Variants in UBTD1 observed in about 807,000 individuals in gnomAD.
UBTD1 encodes ubiquitin domain-containing protein 1.
UBTD1 carries 19 observed loss-of-function variants against 21.7 expected under a neutral mutation model. The observed-to-expected ratio is 0.87, with a 90% confidence interval of 0.61 to 1.28. The LOEUF is 1.28. Among genes scored for constraint, UBTD1 ranks in the 50% most tolerant of loss-of-function variants. The pLI, the probability that UBTD1 is intolerant of heterozygous loss-of-function variation, is 0.00. For missense variants in UBTD1, 282 were observed against 315.1 expected, an observed-to-expected ratio of 0.89 and a Z score of 0.80; for synonymous variants, 116 against 135.1, an observed-to-expected ratio of 0.86 and a Z score of 0.98.
chr10:97,519,806 A>G (rs2040459491), intron 1 of UBTD1, among the ~76,000 whole-genome samples: 1 of 152,246 alleles, frequency 6.6e-6, no homozygotes, highest in South Asian at 2.1e-4. Flanking sequence ...AAAAGGGGGT[A>G]TGTGCTTTAA....
intron 1 of UBTD1, among the ~76,000 whole-genome samples, chr10:97,561,640 T>C (rs999013008): frequency 6.6e-6 from 1 of 152,200 alleles, no homozygotes; most frequent in African/African-American, 2.4e-5. Flanking sequence ...TTCTAAGTTA[T>C]GAGTTGATTT....
At chr10:97,521,148 A>G (rs1289435912) in intron 1 of UBTD1, among the ~76,000 whole-genome samples, 3 of 152,052 alleles carry the variant, frequency 2.0e-5, no homozygotes, top group African/African-American at 7.2e-5. Flanking sequence ...CTTGTTATTT[A>G]ATCTGTAGTG....
At chr10:97,529,009 G>T (rs971317109) in intron 1 of UBTD1, among the ~76,000 whole-genome samples, 32 of 151,866 alleles carry the variant, frequency 2.1e-4, no homozygotes, top group Non-Finnish European at 4.4e-4. Flanking sequence ...CTTCCCAGAC[G>T]GGGTGGCAGC....
rs1225401568 is a variant in UBTD1, at chr10:97,499,166, G to T, written c.-38G>T. On this transcript the variant is annotated 5_prime_UTR_variant, in exon 1 of 3. Transcript: ENST00000370664. ...CGTCCGCTGAGCAGCCGACCACCCC[G>T]CCGCCTCCGGTGCATGGGGACTGGC... The T allele has an allele frequency of 6.6e-7, 1 of 1,507,372 alleles. No homozygotes were observed. Among genetic ancestry groups the T allele is most frequent in the South Asian group, 1.2e-5 (1 of 80,264 alleles). 93.4% of individuals were successfully genotyped at this position (1,507,372 alleles called of 1,614,324 possible). A position where few individuals can be genotyped will look rare whatever the true frequency, so the allele number is the denominator to read the frequency against.
intron 1 of UBTD1, among the ~76,000 whole-genome samples, chr10:97,529,222 C>T (rs202018260): frequency 0.41 from 60,743 of 147,888 alleles, 13,268 homozygotes; most frequent in Non-Finnish European, 0.5. Flanking sequence ...CGGGAAGAGG[C>T]GCTCCTCACT....
chr10:97,508,210 T>C (rs1455817066), intron 1 of UBTD1, among the ~76,000 whole-genome samples: 1 of 152,264 alleles, frequency 6.6e-6, no homozygotes, highest in Admixed American at 6.5e-5. Context: ...GCTTGTAAAC[T>C]GCAGAGCTGG....
At chr10:97,545,259 T>C (rs963944479) in intron 1 of UBTD1, among the ~76,000 whole-genome samples, 1 of 150,794 alleles carries the variant, frequency 6.6e-6, no homozygotes, top group Non-Finnish European at 1.5e-5. Context: ...GAGAATGGCA[T>C]GAACCCAGGA....
At position 97,556,260 on chromosome 10, in the gene UBTD1, C is replaced by G. The variant is rs368176221; in HGVS notation, c.71-11654C>G. On this transcript the variant is annotated intron_variant, in intron 1 of 2. Coordinates refer to ENST00000370664, the MANE Select transcript of UBTD1 (RefSeq NM_024954.5). ...GCCACACTTGCATGGGGGCATGTGCCAGTTTTGTTATATCTTTAACTATAT... is the reference window on the plus strand; with the variant it reads ...GCCACACTTGCATGGGGGCATGTGCGAGTTTTGTTATATCTTTAACTATAT... Among the ~76,000 whole-genome samples, 25 of 152,290 alleles carry G rather than the reference C, an allele frequency of 1.6e-4. 1 individual carries two copies. In the East Asian group the frequency reaches 2.3e-3, roughly 14 times the overall value.
intron 1 of UBTD1, among the ~76,000 whole-genome samples, chr10:97,513,710 C>T (rs187157685): frequency 7.2e-5 from 11 of 152,236 alleles, no homozygotes; most frequent in Admixed American, 4.6e-4. Context: ...TGGTATTTAT[C>T]TGCCTGTTTC....
intron 1 of UBTD1, among the ~76,000 whole-genome samples, chr10:97,529,253 G>A (rs1281094034): frequency 2.0e-5 from 3 of 149,880 alleles, no homozygotes; most frequent in African/African-American, 4.9e-5. Context: ...GATGGCGGCC[G>A]GGCAGAGACG....
chr10:97,567,583 C>T (rs1323768127), intron 1 of UBTD1, among the ~76,000 whole-genome samples: 4 of 151,750 alleles, frequency 2.6e-5, no homozygotes, highest in Admixed American at 2.0e-4. Flanking sequence ...CGCTTGAACC[C>T]GGGAGGCGGA....
At chr10:97,545,148 C>T (rs1318244954) in intron 1 of UBTD1, among the ~76,000 whole-genome samples, 4 of 150,710 alleles carry the variant, frequency 2.7e-5, no homozygotes, top group African/African-American at 7.3e-5. Context: ...TCCTGGCTAA[C>T]GTGGTGAAAC....
At chr10:97,516,348 G>A (rs539177999) in intron 1 of UBTD1, among the ~76,000 whole-genome samples, 5 of 152,270 alleles carry the variant, frequency 3.3e-5, no homozygotes, top group South Asian at 2.1e-4. Flanking sequence ...CTTACATGTC[G>A]GCGTGTTCCA....
At chr10:97,528,577 A>C (rs1474075647) in intron 1 of UBTD1, among the ~76,000 whole-genome samples, 1 of 40,664 alleles carries the variant, frequency 2.5e-5, no homozygotes, top group African/African-American at 7.7e-5. Flanking sequence ...CGGGGGGCTC[A>C]CCCCCCCACC....
chr10:97,554,240 T>C (rs1293182177), intron 1 of UBTD1, among the ~76,000 whole-genome samples: 1 of 135,790 alleles, frequency 7.4e-6, no homozygotes, highest in Non-Finnish European at 1.6e-5. Context: ...TTTTTTTGTT[T>C]GTTTTCGTTT....
At chr10:97,562,982 G>T (rs2040700032) in intron 1 of UBTD1, among the ~76,000 whole-genome samples, 2 of 152,162 alleles carry the variant, frequency 1.3e-5, no homozygotes, top group Non-Finnish European at 2.9e-5. Flanking sequence ...GGGATTAGGG[G>T]CGGCGTGGGA....
chr10:97,570,051 TC>T lies in UBTD1; in HGVS notation c.299-86del. On this transcript the variant is annotated intron_variant, in intron 2 of 2. Transcript: ENST00000370664. The surrounding 1 kb of genome is among the most constrained non-coding windows in gnomAD (Gnocchi z 6.6). ...TACAGTCACATTGGGGGTTAGAGTT[TC>T]ACCATATGAATTTGGGGGGACCCAA... The T allele has an allele frequency of 6.6e-7, 1 of 1,505,434 alleles. No individual in the cohort carries two copies. Among genetic ancestry groups the T allele is most frequent in the Non-Finnish European group, 8.9e-7 (1 of 1,124,608 alleles). 93.3% of individuals were successfully genotyped at this position (1,505,434 alleles called of 1,614,324 possible). A position where few individuals can be genotyped will look rare whatever the true frequency, so the allele number is the denominator to read the frequency against.
intron 1 of UBTD1, among the ~76,000 whole-genome samples, chr10:97,533,407 C>T (rs1337430923): frequency 6.6e-6 from 1 of 152,238 alleles, no homozygotes; most frequent in Admixed American, 6.5e-5. Context: ...GAGACTTCTT[C>T]CCGGGGCTTT....
intron 2 of UBTD1, 45 bp downstream of exon 2, chr10:97,568,186 G>T: frequency 1.9e-6 from 3 of 1,596,100 alleles, no homozygotes; most frequent in South Asian, 2.2e-5. Flanking sequence ...GAGCTAGGGG[G>T]TCACCAGCAC....
Sources: allele counts gnomAD v4.1 joint callset (sites outside exome capture counted in the v4.1 genomes callset), GRCh38; gene constraint gnomAD v4.1.1; non-coding constraint Gnocchi (gnomAD v3.1); transcripts MANE v1.5; gene names NCBI Gene and HGNC (gene_info 2026-07-23, HGNC 2026-07-21).